NR3C2: variants seen among roughly 807,000 people sequenced by gnomAD.
NR3C2 encodes mineralocorticoid receptor.
NR3C2 carries 15 observed loss-of-function variants against 86.4 expected under a neutral mutation model. The ratio of observed to expected loss-of-function variants is 0.17; its 90% CI spans 0.12 to 0.27. The LOEUF is 0.27. Ranked by LOEUF, NR3C2 falls within the 10% of genes least tolerant of loss-of-function variation. NR3C2 has a pLI of 1.00. For missense variants in NR3C2, 960 were observed against 1,195.6 expected (o/e 0.80, Z 2.91); for synonymous variants, 458 against 450.5 (o/e 1.02, Z -0.21).
chr4:148,220,111 G>A (rs6838741), intron 3 of NR3C2, among the ~76,000 whole-genome samples: 77,623 of 151,076 alleles, frequency 0.51, 20,256 homozygotes, highest in South Asian at 0.6. Flanking sequence ...TTTTAAGACC[G>A]GGTCTCACTG....
At chr4:148,161,927 G>A (rs1251634239) in intron 4 of NR3C2, among the ~76,000 whole-genome samples, 1 of 152,206 alleles carries the variant, frequency 6.6e-6, no homozygotes, top group Non-Finnish European at 1.5e-5. Flanking sequence ...CAATGGCAGA[G>A]AGAAGTTGTT....
intron 4 of NR3C2, among the ~76,000 whole-genome samples, chr4:148,166,274 A>G (rs148085465): frequency 4.0e-4 from 61 of 152,302 alleles, no homozygotes; most frequent in Middle Eastern, 3.4e-3. Flanking sequence ...GTCTCTGCAC[A>G]CAGGGTTGGT....
intron 2 of NR3C2, among the ~76,000 whole-genome samples, chr4:148,343,103 T>C (rs1546531): frequency 0.28 from 42,846 of 152,026 alleles, 7,508 homozygotes; most frequent in East Asian, 0.57. Context: ...TCATGGCATC[T>C]TTTCCCTAAT....
At chr4:148,292,480 C>A (rs938432099) in intron 2 of NR3C2, among the ~76,000 whole-genome samples, 6 of 151,740 alleles carry the variant, frequency 4.0e-5, no homozygotes, top group Non-Finnish European at 7.4e-5. Flanking sequence ...TAAAATAGAT[C>A]GAAAAGAAAA....
intron 2 of NR3C2, among the ~76,000 whole-genome samples, chr4:148,430,998 T>C (rs944784588): frequency 6.6e-6 from 1 of 152,174 alleles, no homozygotes; most frequent in African/African-American, 2.4e-5. Flanking sequence ...AAACTTTACA[T>C]TTAAAAGTCT....
At chr4:148,425,833 C>A (rs11943992) in intron 2 of NR3C2, among the ~76,000 whole-genome samples, 2,899 of 152,292 alleles carry the variant, frequency 0.019, 96 homozygotes, top group African/African-American at 0.066. Context: ...TTTGCCTTCA[C>A]TATAGGGCCT....
chr4:148,411,897 T>C (rs1434454072), intron 2 of NR3C2, among the ~76,000 whole-genome samples: 1 of 152,202 alleles, frequency 6.6e-6, no homozygotes, highest in African/African-American at 2.4e-5. Context: ...TTCCACATTC[T>C]TCCCAAGTAA....
At chr4:148,140,661 C>T (rs1213644036) in intron 6 of NR3C2, among the ~76,000 whole-genome samples, 1 of 152,182 alleles carries the variant, frequency 6.6e-6, no homozygotes, top group Non-Finnish European at 1.5e-5. Context: ...CTAATATTAG[C>T]CACACTAAGC....
At chr4:148,177,407 G>C (rs567846524) in intron 4 of NR3C2, among the ~76,000 whole-genome samples, 1 of 152,276 alleles carries the variant, frequency 6.6e-6, no homozygotes, top group South Asian at 2.1e-4. Flanking sequence ...TTAGCTGAAT[G>C]GTTTTCGGTA....
intron 2 of NR3C2, among the ~76,000 whole-genome samples, chr4:148,381,715 A>C (rs17581898): frequency 0.019 from 2,961 of 152,326 alleles, 65 homozygotes; most frequent in Middle Eastern, 0.082. Context: ...AAATTCATTC[A>C]GTCTAGGATC....
At chr4:148,319,689 G>T (rs1048816563) in intron 2 of NR3C2, among the ~76,000 whole-genome samples, 2 of 150,882 alleles carry the variant, frequency 1.3e-5, no homozygotes, top group South Asian at 2.1e-4. Context: ...GTCTGTTGTT[G>T]GTGTATAAGA....
intron 3 of NR3C2, among the ~76,000 whole-genome samples, chr4:148,200,852 T>C (rs1736683549): frequency 6.6e-6 from 1 of 152,180 alleles, no homozygotes; most frequent in Admixed American, 6.5e-5. Flanking sequence ...TCAATGGACT[T>C]GTAGCTAGTC....
chr4:148,095,531 A>G (rs1731239663), intron 8 of NR3C2, among the ~76,000 whole-genome samples: 1 of 152,212 alleles, frequency 6.6e-6, no homozygotes, highest in Non-Finnish European at 1.5e-5. Context: ...AGAGTCCTGA[A>G]GCCCTCCTAG....
chr4:148,315,826 T>C (rs1743144337), intron 2 of NR3C2, among the ~76,000 whole-genome samples: 1 of 152,196 alleles, frequency 6.6e-6, no homozygotes, highest in Non-Finnish European at 1.5e-5. Flanking sequence ...CTAAAATTCA[T>C]GAGAATATGG....
Position 148,078,883 on chromosome 4 carries a change from T to C in NR3C2, c.*2461A>G, listed in dbSNP as rs999137876. The C allele has an allele frequency of 2.0e-5, 3 of 152,674 alleles. No individual in the cohort carries two copies. Among genetic ancestry groups the C allele is most frequent in the Non-Finnish European group, 2.9e-5 (2 of 68,056 alleles). The allele number at this position is 152,674 out of a possible 1,614,324, so 9.5% of individuals were successfully genotyped here. On this transcript the variant is annotated 3_prime_UTR_variant, in exon 9 of 9. Transcript: ENST00000358102. The stretch of plus-strand genomic sequence containing the variant: ...ACTAATTTAGTGTTTCTTTAAATTA[T>C]ATGAACTTTTGGTGAATTATGAACT...
Position 148,312,562 on chromosome 4 carries a change from T to C in NR3C2, c.1758-52445A>G, listed in dbSNP as rs538143273. Among the ~76,000 whole-genome samples, 5 of 152,300 alleles carry C rather than the reference T, an allele frequency of 3.3e-5. No homozygotes were observed. The East Asian group carries it at 9.7e-4, about 29-fold the overall frequency. On this transcript the variant is annotated intron_variant, in intron 2 of 8. Transcript: ENST00000358102. ...ACAGTATCTGGCACATAGTAGGTAC[T>C]AAAATACTAAAGGAATGAAAGAATG... is the stretch of plus-strand genomic sequence containing the variant.
chr4:148,366,479 C>CTTTTAAAAAAGAATACTTTTTAAAAAA (rs1561066879), intron 2 of NR3C2, among the ~76,000 whole-genome samples: 1 of 6,170 alleles, frequency 1.6e-4, no homozygotes, highest in African/African-American at 4.2e-4. Flanking sequence ...TTAAAAAGTA[C>CTTTTAAAAAAGAATACTTTTTAAAAAA]TCAGCACTTT....
intron 8 of NR3C2, among the ~76,000 whole-genome samples, chr4:148,107,964 A>G (rs1479214989): frequency 1.3e-5 from 2 of 152,318 alleles, no homozygotes; most frequent in African/African-American, 2.4e-5. Flanking sequence ...GTATACCTAC[A>G]TAACAAACCA....
At chr4:148,438,377 A>C (rs1750176985) in intron 1 of NR3C2, among the ~76,000 whole-genome samples, 1 of 152,230 alleles carries the variant, frequency 6.6e-6, no homozygotes, top group Admixed American at 6.5e-5. Context: ...AAAGGAAATT[A>C]ACTCACTCAC....
Sources: gnomAD v4.1 joint callset for allele counts (sites outside exome capture counted in the v4.1 genomes callset) on GRCh38, gnomAD v4.1.1 for gene constraint, MANE v1.5 for transcripts, NCBI Gene and HGNC (gene_info 2026-07-23, HGNC 2026-07-21) for gene names.